ACOXL: variants seen among roughly 807,000 people sequenced by gnomAD.
ACOXL encodes acyl-coenzyme A oxidase-like protein.
ACOXL carries 70 observed loss-of-function variants against 71.9 expected under a neutral mutation model. That is an observed-to-expected ratio of 0.97 (90% CI 0.80 to 1.19). The LOEUF (loss-of-function observed/expected upper bound fraction) is 1.19, where lower values mean the gene tolerates loss of function less well. Among genes scored for constraint, ACOXL ranks in the 50% most tolerant of loss-of-function variants. The pLI is 0.00. For synonymous variants in ACOXL, 253 were observed against 281.6 expected (o/e 0.90, Z 1.02); for missense variants, 703 against 736.3 (o/e 0.95, Z 0.52).
chr2:110,736,236 A>G (rs1241934452), intron 1 of ACOXL, among the ~76,000 whole-genome samples: 2 of 152,230 alleles, frequency 1.3e-5, no homozygotes, highest in African/African-American at 4.8e-5. Context: ...TACACACTAT[A>G]TAAAATTGAC....
At chr2:110,943,136 A>C (rs1375808567) in intron 12 of ACOXL, among the ~76,000 whole-genome samples, 1 of 137,078 alleles carries the variant, frequency 7.3e-6, no homozygotes, top group Non-Finnish European at 1.6e-5. Context: ...AGAAGGAAGG[A>C]AAGAAGGAAG....
chr2:111,054,621 G>A (rs147147603), intron 16 of ACOXL, among the ~76,000 whole-genome samples: 1 of 152,162 alleles, frequency 6.6e-6, no homozygotes, highest in Admixed American at 6.5e-5. Context: ...GCACAGAGAC[G>A]CCTGGGAGCG....
chr2:111,053,213 C>T (rs2066381647), intron 16 of ACOXL, among the ~76,000 whole-genome samples: 1 of 152,168 alleles, frequency 6.6e-6, no homozygotes, highest in African/African-American at 2.4e-5. Flanking sequence ...GAGAATGAAC[C>T]AACCTGGCCT....
intron 10 of ACOXL, among the ~76,000 whole-genome samples, chr2:110,856,059 G>A (rs541076945): frequency 2.6e-5 from 4 of 152,236 alleles, no homozygotes; most frequent in African/African-American, 9.6e-5. Context: ...TTTACAGAGC[G>A]TTGATTGGCG....
chr2:110,757,181 T>C (rs1165013621), intron 1 of ACOXL, among the ~76,000 whole-genome samples: 1 of 152,240 alleles, frequency 6.6e-6, no homozygotes, highest in East Asian at 1.9e-4. Context: ...ATTAGATTGC[T>C]GAGGATAATG....
intron 2 of ACOXL, among the ~76,000 whole-genome samples, chr2:110,778,509 T>C (rs976527619): frequency 6.6e-6 from 1 of 152,206 alleles, no homozygotes; most frequent in East Asian, 1.9e-4. Flanking sequence ...ATGCAGTGGT[T>C]ATGGGTTTCT....
chr2:111,082,823 G>T (rs1021572699), intron 16 of ACOXL, among the ~76,000 whole-genome samples: 2 of 152,144 alleles, frequency 1.3e-5, no homozygotes, highest in African/African-American at 2.4e-5. Flanking sequence ...AGAAAATGTG[G>T]CACATATACA....
intron 12 of ACOXL, among the ~76,000 whole-genome samples, chr2:110,974,215 C>T (rs576608193): frequency 4.1e-4 from 62 of 152,300 alleles, no homozygotes; most frequent in Admixed American, 8.5e-4. Flanking sequence ...TCAGGAGACA[C>T]AGGGGAGAAA....
At chr2:110,887,071 G>T in intron 10 of ACOXL, 1 of 480,382 alleles carries the variant, frequency 2.1e-6, no homozygotes, top group Non-Finnish European at 3.7e-6. Context: ...TGTCTCTCCA[G>T]GCAGATGGCC....
At chr2:110,953,254 A>G (rs1479873563) in intron 12 of ACOXL, among the ~76,000 whole-genome samples, 1 of 152,082 alleles carries the variant, frequency 6.6e-6, no homozygotes, top group Non-Finnish European at 1.5e-5. Context: ...ACTAGGGAGT[A>G]TAACTACCAT....
At chr2:110,777,539 C>A (rs138417194) in intron 2 of ACOXL, among the ~76,000 whole-genome samples, 42 of 152,166 alleles carry the variant, frequency 2.8e-4, no homozygotes, top group African/African-American at 1.0e-3. Flanking sequence ...GGTGCAACTC[C>A]ACCCTGCAGA....
At chr2:110,798,919 A>G (rs1685605891) in intron 6 of ACOXL, 95 bp from the exon 7 acceptor site, 1 of 1,341,362 alleles carries the variant, frequency 7.5e-7, no homozygotes, top group Non-Finnish European at 1.1e-6. Context: ...GTAGAACTGA[A>G]TGAGTTTGAG....
In ACOXL at chr2:110,947,371, G is replaced by A. The variant is rs2149393340; in HGVS notation, c.1059+13729G>A. On this transcript the variant is annotated intron_variant, in intron 12 of 17. Transcript: ENST00000439055. ...TTGCATTTCTGCCTTACAGTGGAGAGGGGGCATTCTAAGAGATGGGACAGG... is the reference window on the plus strand; with the variant it reads ...TTGCATTTCTGCCTTACAGTGGAGAAGGGGCATTCTAAGAGATGGGACAGG... Among the ~76,000 whole-genome samples the A allele has an allele frequency of 2.0e-5, 3 of 152,326 alleles. No homozygotes were observed. The East Asian group carries it at 5.8e-4, about 29-fold the overall frequency.
At chr2:110,987,028 G>T (rs2062962899) in intron 12 of ACOXL, 80 bp from the exon 13 acceptor site, 3 of 1,148,038 alleles carry the variant, frequency 2.6e-6, no homozygotes, top group Admixed American at 2.1e-5. Flanking sequence ...GTGACAAATA[G>T]ATCTTATTGG....
At chr2:110,852,205 G>A (rs1344552349) in intron 10 of ACOXL, among the ~76,000 whole-genome samples, 1 of 152,214 alleles carries the variant, frequency 6.6e-6, no homozygotes, top group Non-Finnish European at 1.5e-5. Flanking sequence ...CTGGCACCGT[G>A]TCGCCCTGGC....
At chr2:110,991,590 C>A (rs1398637404) in intron 13 of ACOXL, among the ~76,000 whole-genome samples, 2 of 152,128 alleles carry the variant, frequency 1.3e-5, no homozygotes, top group African/African-American at 4.8e-5. Flanking sequence ...ATCTCACAAT[C>A]CTGATTAAAC....
intron 9 of ACOXL, among the ~76,000 whole-genome samples, chr2:110,826,829 G>A (rs1166894368): frequency 6.7e-6 from 1 of 148,586 alleles, no homozygotes; most frequent in African/African-American, 2.5e-5. Flanking sequence ...CTGGTGTACA[G>A]TTTTGGTGCA....
chr2:111,047,181 A>T (rs966858203), intron 15 of ACOXL, among the ~76,000 whole-genome samples: 1 of 152,150 alleles, frequency 6.6e-6, no homozygotes, highest in Non-Finnish European at 1.5e-5. Flanking sequence ...ATGGAAGTTG[A>T]CTGGTTTGGA....
rs997535101 is a variant in ACOXL, at chr2:111,088,540, C to G, written c.1441-4325C>G. 9.2e-5 allele frequency among the ~76,000 whole-genome samples: 14 copies of G among 152,140 alleles called. 1 individual carries two copies. The highest frequency in any genetic ancestry group is 2.9e-4 in the African/African-American group (12 of 41,424). On this transcript the variant is annotated intron_variant, in intron 16 of 17. Transcript: ENST00000439055. ...ACAAGCCAGCCCAGGAACAGAAAACCAAGTACTGCTTGTTCTCACTTTTAA... is the reference window on the plus strand; with the variant it reads ...ACAAGCCAGCCCAGGAACAGAAAACGAAGTACTGCTTGTTCTCACTTTTAA...
Sources: allele counts gnomAD v4.1 joint callset (sites outside exome capture counted in the v4.1 genomes callset), GRCh38; gene constraint gnomAD v4.1.1; transcripts MANE v1.5; gene names NCBI Gene and HGNC (gene_info 2026-07-23, HGNC 2026-07-21).